Variants in PHLPP2 observed in about 807,000 individuals in gnomAD.
PHLPP2 encodes PH domain and leucine rich repeat protein phosphatase 2.
Under a neutral mutation model 124.9 loss-of-function variants are expected in PHLPP2, and 66 were observed. The observed-to-expected ratio is 0.53, with a 90% confidence interval of 0.43 to 0.65. PHLPP2 has a LOEUF of 0.65. PHLPP2 is among the 30% of genes least tolerant of loss of function. PHLPP2 has a pLI of 0.00. For missense variants in PHLPP2, 1,685 were observed against 1,600.4 expected, an observed-to-expected ratio of 1.05 and a Z score of -0.90; for synonymous variants, 681 against 624.7, an observed-to-expected ratio of 1.09 and a Z score of -1.34.
At chr16:71,686,952 A>G (rs149190462) in intron 4 of PHLPP2, among the ~76,000 whole-genome samples, 1 of 152,374 alleles carries the variant, frequency 6.6e-6, no homozygotes, top group Admixed American at 6.5e-5. Flanking sequence ...GATAAAAACT[A>G]GAAACAGAAT....
intron 17 of PHLPP2, among the ~76,000 whole-genome samples, chr16:71,653,569 G>A (rs561704465): frequency 8.5e-5 from 13 of 152,248 alleles, no homozygotes; most frequent in Middle Eastern, 3.4e-3. Context: ...TCTGTACTTG[G>A]AAACAATGTT....
Position 71,676,475 on chromosome 16 carries a change from G to A in PHLPP2, c.1443C>T (p.Ser481=). Reference sequence around the variant, plus strand: ...TGGAACTGGCATAGAGGGTCCGAAGGGAAAAGCCACTGAGTGTTAGCTCCC... The same window carrying A: ...TGGAACTGGCATAGAGGGTCCGAAGAGAAAAGCCACTGAGTGTTAGCTCCC... ...QLRELTLSGF[S]LRTLYASSNR... The change falls in exon 9 of 19, where the codon TCC becomes TCT. Residue 481 remains serine, a synonymous_variant. Coordinates refer to ENST00000568954, the MANE Select transcript of PHLPP2 (RefSeq NM_015020.3). The A allele has an allele frequency of 1.2e-6, 2 of 1,614,060 alleles. No homozygotes were observed. The highest frequency in any genetic ancestry group is 8.5e-7 in the Non-Finnish European group (1 of 1,179,928).
intron 12 of PHLPP2, among the ~76,000 whole-genome samples, chr16:71,666,371 G>C (rs573887144): frequency 3.3e-5 from 5 of 152,244 alleles, no homozygotes; most frequent in Non-Finnish European, 7.3e-5. Context: ...AAATTAGCCA[G>C]GTGTGGTGGT....
intron 2 of PHLPP2, among the ~76,000 whole-genome samples, chr16:71,706,940 T>C (rs2045278207): frequency 7.0e-6 from 1 of 143,374 alleles, no homozygotes; most frequent in Non-Finnish European, 1.5e-5. Flanking sequence ...ATTTAAAAGA[T>C]ACACCATTTT....
At chr16:71,717,061 G>A (rs2145387025) in intron 1 of PHLPP2, among the ~76,000 whole-genome samples, 1 of 152,330 alleles carries the variant, frequency 6.6e-6, no homozygotes, top group African/African-American at 2.4e-5. Context: ...AGTCCAATTA[G>A]CTCTGGCAAG....
chr16:71,722,791 C>T (rs1024227067), intron 1 of PHLPP2, among the ~76,000 whole-genome samples: 1 of 152,172 alleles, frequency 6.6e-6, no homozygotes, highest in Non-Finnish European at 1.5e-5. Flanking sequence ...ACCTAGTTTA[C>T]GTATTTGACC....
At chr16:71,720,829 T>C (rs1032059127) in intron 1 of PHLPP2, among the ~76,000 whole-genome samples, 1 of 143,888 alleles carries the variant, frequency 6.9e-6, no homozygotes, top group African/African-American at 2.6e-5. Context: ...CACTCCAGCA[T>C]GGGCAACAAG....
intron 17 of PHLPP2, chr16:71,655,039 A>G: frequency 1.9e-6 from 1 of 517,020 alleles, no homozygotes; most frequent in Non-Finnish European, 3.5e-6. Flanking sequence ...TTCAACAGAG[A>G]AAACAGATGA....
intron 1 of PHLPP2, among the ~76,000 whole-genome samples, chr16:71,722,033 C>G (rs569963766): frequency 1.3e-5 from 2 of 152,252 alleles, no homozygotes; most frequent in African/African-American, 4.8e-5. Context: ...GAAGGGTCTT[C>G]AGAGAAAAAT....
intron 3 of PHLPP2, among the ~76,000 whole-genome samples, chr16:71,691,652 T>C (rs1453707351): frequency 6.6e-6 from 1 of 151,994 alleles, no homozygotes; most frequent in African/African-American, 2.4e-5. Context: ...TAATCCTCCA[T>C]CTCTCTGCCA....
chr16:71,679,097 A>G, intron 7 of PHLPP2, 112 bp from the exon 8 acceptor site: 2 of 669,302 alleles, frequency 3.0e-6, no homozygotes, highest in South Asian at 3.7e-5. Context: ...ATCCCAAAAT[A>G]GTAAAGTGTC....
Position 71,684,524 on chromosome 16 carries a change from G to A in PHLPP2, c.687C>T (p.Ser229=). The A allele has an allele frequency of 1.2e-6, 2 of 1,613,932 alleles. No homozygotes were observed. The highest frequency in any genetic ancestry group is 1.7e-6 in the Non-Finnish European group (2 of 1,179,960). The change falls in exon 5 of 19, where the codon AGC becomes AGT. Residue 229 remains serine, a synonymous_variant. Transcript: ENST00000568954. ...AGAQAQTYHV[S]FETLAEYQRW... ...GCTGGTACTCGGCCAAAGTCTCGAA[G>A]CTGACATGATAGGTCTGAGCTTGGG...
chr16:71,676,272 T>C (rs578197107), intron 9 of PHLPP2, among the ~76,000 whole-genome samples, 175 bp downstream of exon 9: 1 of 152,320 alleles, frequency 6.6e-6, no homozygotes, highest in South Asian at 2.1e-4. Context: ...TGTCTTTTTA[T>C]GCACACTGCA....
Position 71,678,863 on chromosome 16 carries a change from T to C in PHLPP2, c.1160A>G (p.Tyr387Cys). The change falls in exon 8 of 19, where the codon TAT (tyrosine) becomes TGT (cysteine). Residue 387 changes from tyrosine to cysteine, a missense_variant. By Grantham distance (194) the Tyr-to-Cys change is radical (BLOSUM62 -2). Coordinates refer to ENST00000568954, the MANE Select transcript of PHLPP2 (RefSeq NM_015020.3). ...TCTATCTAACATAGTGAGTTTCTCATAAACCTCAGGAATTTGACTAAAGTT... is the reference window on the plus strand; with the variant it reads ...TCTATCTAACATAGTGAGTTTCTCACAAACCTCAGGAATTTGACTAAAGTT... ...FNNFSQIPEV[Y>C]EKLTMLDRVV... The C allele has an allele frequency of 6.2e-7, 1 of 1,611,848 alleles. No individual in the cohort carries two copies.
intron 3 of PHLPP2, among the ~76,000 whole-genome samples, chr16:71,691,610 T>G (rs76520479): frequency 0.11 from 16,393 of 152,058 alleles, 1,095 homozygotes; most frequent in Non-Finnish European, 0.15. Flanking sequence ...AGGAAGAAAT[T>G]AGTAACTACA....
chr16:71,665,417 G>C (rs985669631), intron 12 of PHLPP2, among the ~76,000 whole-genome samples: 1 of 152,196 alleles, frequency 6.6e-6, no homozygotes, highest in Non-Finnish European at 1.5e-5. Context: ...CAGTCTAGTA[G>C]ATAAAACATG....
At chr16:71,721,930 A>T (rs1186430226) in intron 1 of PHLPP2, among the ~76,000 whole-genome samples, 1 of 152,192 alleles carries the variant, frequency 6.6e-6, no homozygotes, top group Non-Finnish European at 1.5e-5. Context: ...GCTTAGTTAT[A>T]TTAGCCTTTT....
At chr16:71,687,627 A>C (rs1295232648) in intron 4 of PHLPP2, among the ~76,000 whole-genome samples, 1 of 151,984 alleles carries the variant, frequency 6.6e-6, no homozygotes, top group Non-Finnish European at 1.5e-5. Flanking sequence ...AGTCTTCTAT[A>C]TTCTCTTTTC....
chr16:71,703,455 G>A lies in PHLPP2; in HGVS notation c.285-724C>T, dbSNP rs564610718. ...TGTCCTGCAATCACTTGTGGCCTCT[G>A]GTGACACTGTATTTTAAATCACAGA... On this transcript the variant is annotated intron_variant, in intron 2 of 18. Transcript: ENST00000568954. Among the ~76,000 whole-genome samples the A allele has an allele frequency of 2.6e-4, 40 of 151,986 alleles. No homozygotes were observed. In the South Asian group the frequency reaches 8.3e-3, roughly 32 times the overall value.
Sources: gnomAD v4.1 joint callset for allele counts (sites outside exome capture counted in the v4.1 genomes callset) on GRCh38, gnomAD v4.1.1 for gene constraint, MANE v1.5 for transcripts, NCBI Gene and HGNC (gene_info 2026-07-23, HGNC 2026-07-21) for gene names.